Variants in PTPN13 observed in about 807,000 individuals in gnomAD.
PTPN13 encodes tyrosine-protein phosphatase non-receptor type 13.
Under a neutral mutation model 284.0 loss-of-function variants are expected in PTPN13, and 191 were observed. The observed-to-expected ratio is 0.67, with a 90% confidence interval of 0.60 to 0.76. The LOEUF is 0.76. PTPN13 is among the 30% of genes least tolerant of loss of function. PTPN13 has a pLI of 0.00. For synonymous variants in PTPN13, 986 were observed against 1,022.3 expected, an observed-to-expected ratio of 0.96 and a Z score of 0.68; for missense variants, 2,797 against 2,939.9, an observed-to-expected ratio of 0.95 and a Z score of 1.12.
chr4:86,785,453 A>C (rs1741790820), intron 39 of PTPN13, 85 bp downstream of exon 39: 1 of 1,172,278 alleles, frequency 8.5e-7, no homozygotes, highest in African/African-American at 1.6e-5. Flanking sequence ...TATGTAATGC[A>C]TTAGTTCTTC....
chr4:86,720,712 T>C (rs758885721), intron 9 of PTPN13, among the ~76,000 whole-genome samples: 2 of 152,170 alleles, frequency 1.3e-5, no homozygotes, highest in African/African-American at 2.4e-5. Context: ...GTAAAATCTA[T>C]GAATAGTGCT....
intron 37 of PTPN13, among the ~76,000 whole-genome samples, chr4:86,783,424 A>G (rs917667188): frequency 1.3e-5 from 2 of 152,094 alleles, no homozygotes; most frequent in Admixed American, 1.3e-4. Context: ...AGTAATCAGT[A>G]TGTTGTTGAA....
intron 46 of PTPN13, among the ~76,000 whole-genome samples, chr4:86,810,621 A>C (rs1368946959): frequency 6.6e-6 from 1 of 152,232 alleles, no homozygotes. Flanking sequence ...TAATTTAAGT[A>C]GGATGAAACC....
chr4:86,663,754 G>C (rs1726772147), intron 2 of PTPN13, among the ~76,000 whole-genome samples: 1 of 152,130 alleles, frequency 6.6e-6, no homozygotes, highest in Non-Finnish European at 1.5e-5. Flanking sequence ...GGAAATTACT[G>C]ATAGTTATTC....
At chr4:86,811,755 G>A (rs918979930) in intron 47 of PTPN13, among the ~76,000 whole-genome samples, 2 of 152,178 alleles carry the variant, frequency 1.3e-5, no homozygotes, top group South Asian at 2.1e-4. Context: ...TGTAGAAGCC[G>A]TTTTCAAATA....
chr4:86,649,720 G>A (rs1724861623), intron 2 of PTPN13, among the ~76,000 whole-genome samples: 1 of 152,110 alleles, frequency 6.6e-6, no homozygotes, highest in African/African-American at 2.4e-5. Context: ...GGTCTTTTGT[G>A]ACTCCATATA....
At chr4:86,784,672 G>T (rs142538498) in intron 38 of PTPN13, 114 bp downstream of exon 38, 6,686 of 659,046 alleles carry the variant, frequency 0.01, 51 homozygotes, top group Middle Eastern at 0.026. Context: ...GCTTTAAAGG[G>T]AAAGATTATT....
chr4:86,764,713 A>G lies in PTPN13; in HGVS notation c.4138A>G (p.Ile1380Val). 4 of 1,606,842 alleles carry G rather than the reference A, an allele frequency of 2.5e-6. No individual in the cohort carries two copies. The highest frequency in any genetic ancestry group is 3.4e-6 in the Non-Finnish European group (4 of 1,178,242). Reference protein sequence around the residue: ...ELAKNDNSLGISVTGGVNTSV... With the variant: ...ELAKNDNSLGVSVTGGVNTSV... The stretch of plus-strand genomic sequence containing the variant: ...GGCTAAAAATGATAACAGCTTGGGG[A>G]TAAGTGTCACGGTACTGTTTGACAA... Residue 1380 changes from isoleucine to valine, a missense_variant, in exon 25 of 48, where the codon ATA becomes GTA. Coordinates refer to ENST00000411767, the MANE Select transcript of PTPN13 (RefSeq NM_080683.3).
At chr4:86,728,555 T>A (rs1467524018) in intron 10 of PTPN13, among the ~76,000 whole-genome samples, 2 of 147,748 alleles carry the variant, frequency 1.4e-5, no homozygotes, top group African/African-American at 4.9e-5. Context: ...ATTGATCCCT[T>A]TACCATTATG....
chr4:86,702,309 A>G (rs1188664510), intron 7 of PTPN13, among the ~76,000 whole-genome samples: 1 of 152,182 alleles, frequency 6.6e-6, no homozygotes, highest in African/African-American at 2.4e-5. Context: ...AGAAGATTAT[A>G]ATTTACTTTG....
chr4:86,740,318 C>T (rs1736026477), intron 15 of PTPN13, among the ~76,000 whole-genome samples: 1 of 152,194 alleles, frequency 6.6e-6, no homozygotes, highest in Non-Finnish European at 1.5e-5. Flanking sequence ...CCTCTGAAAT[C>T]TAGGCGAAGG....
intron 2 of PTPN13, among the ~76,000 whole-genome samples, chr4:86,646,895 A>T (rs1724499435): frequency 6.6e-6 from 1 of 152,234 alleles, no homozygotes; most frequent in African/African-American, 2.4e-5. Flanking sequence ...AAAGGAGTGA[A>T]CTATTGATAC....
At chr4:86,790,986 A>G (rs578075795) in intron 40 of PTPN13, among the ~76,000 whole-genome samples, 1 of 151,850 alleles carries the variant, frequency 6.6e-6, no homozygotes, top group Admixed American at 6.6e-5. Context: ...TCTCAATGGG[A>G]CTCGTTGGAC....
chr4:86,745,450 C>T (rs1736634864), intron 17 of PTPN13, among the ~76,000 whole-genome samples: 1 of 152,124 alleles, frequency 6.6e-6, no homozygotes, highest in Non-Finnish European at 1.5e-5. Flanking sequence ...AAGGGTAAGA[C>T]CAACATGCTT....
In PTPN13 at chr4:86,606,095, A is replaced by G. The variant is rs376867466; in HGVS notation, c.-6+11306A>G. 2.6e-5 allele frequency among the ~76,000 whole-genome samples: 4 copies of G among 152,036 alleles called. No individual in the cohort carries two copies. In the East Asian group the frequency reaches 5.8e-4, roughly 22 times the overall value. On this transcript the variant is annotated intron_variant, in intron 1 of 47. Coordinates refer to ENST00000411767, the MANE Select transcript of PTPN13 (RefSeq NM_080683.3). ...GAAAGTGATTTTTTTAGTAGTTTCT[A>G]AATTTGCTCAATAAGCCAACTATTG... is the stretch of plus-strand genomic sequence containing the variant.
At chr4:86,630,779 A>C (rs946914307) in intron 1 of PTPN13, among the ~76,000 whole-genome samples, 1 of 152,136 alleles carries the variant, frequency 6.6e-6, no homozygotes, top group Admixed American at 6.6e-5. Flanking sequence ...ATCTGTCTCC[A>C]GACAGGTTAT....
intron 1 of PTPN13, among the ~76,000 whole-genome samples, chr4:86,621,318 T>G (rs1721216355): frequency 6.6e-6 from 1 of 152,200 alleles, no homozygotes; most frequent in African/African-American, 2.4e-5. Context: ...GACTTTACCG[T>G]ATAAATTTTA....
At chr4:86,766,888 G>A (rs1739388724) in intron 27 of PTPN13, among the ~76,000 whole-genome samples, 1 of 152,154 alleles carries the variant, frequency 6.6e-6, no homozygotes, top group African/African-American at 2.4e-5. Context: ...GAGTTAGGGA[G>A]TTTAACCAAA....
chr4:86,766,520 A>T lies in PTPN13; in HGVS notation c.4329+3A>T. The T allele has an allele frequency of 1.3e-6, 2 of 1,593,744 alleles. No individual in the cohort carries two copies. Among genetic ancestry groups the T allele is most frequent in the African/African-American group, 1.3e-5 (1 of 74,264 alleles). On this transcript the variant is annotated splice_donor_region_variant and intron_variant, in intron 27 of 47. Coordinates refer to ENST00000411767, the MANE Select transcript of PTPN13 (RefSeq NM_080683.3). ...AAACACTGAGAAATACAGGACAGGT[A>T]ACAGATCATTATACCAACCTTTTAC... is the stretch of plus-strand genomic sequence containing the variant.
Sources: gnomAD v4.1 joint callset for allele counts (sites outside exome capture counted in the v4.1 genomes callset) on GRCh38, gnomAD v4.1.1 for gene constraint, MANE v1.5 for transcripts, NCBI Gene and HGNC (gene_info 2026-07-23, HGNC 2026-07-21) for gene names.